PTP4A3: variants seen among roughly 807,000 people sequenced by gnomAD.
The protein encoded by PTP4A3 is protein tyrosine phosphatase type IVA 3.
Under a neutral mutation model 15.2 loss-of-function variants are expected in PTP4A3, and 9 were observed. That is an observed-to-expected ratio of 0.59 (90% CI 0.36 to 1.03). The LOEUF is 1.03. Ranked by LOEUF, PTP4A3 falls within the 50% of genes least tolerant of loss-of-function variation. The pLI is 0.02. For missense variants in PTP4A3, 234 were observed against 252.1 expected (o/e 0.93, Z 0.49); for synonymous variants, 95 against 102.0 (o/e 0.93, Z 0.41).
chr8:141,401,965 G>T (rs3935961), intron 1 of PTP4A3, among the ~76,000 whole-genome samples: 16,261 of 152,166 alleles, frequency 0.11, 2,927 homozygotes, highest in African/African-American at 0.37. Context: ...GCCCAGGGGG[G>T]CCCCGTGATG....
intron 5 of PTP4A3, among the ~76,000 whole-genome samples, chr8:141,429,404 G>A (rs1285465535): frequency 6.6e-6 from 1 of 152,276 alleles, no homozygotes; most frequent in Non-Finnish European, 1.5e-5. Flanking sequence ...GTCACCTCAG[G>A]GCCTCTCAGG....
At chr8:141,417,248 T>C (rs1447114710) in intron 1 of PTP4A3, among the ~76,000 whole-genome samples, 1 of 152,110 alleles carries the variant, frequency 6.6e-6, no homozygotes, top group Non-Finnish European at 1.5e-5. Flanking sequence ...CCTCAGGGTG[T>C]TCCTCGTTGC....
At chr8:141,427,729 C>T (rs747278227) in intron 4 of PTP4A3, 21 bp from the exon 5 acceptor site, 18 of 1,546,658 alleles carry the variant, frequency 1.2e-5, no homozygotes, top group Middle Eastern at 1.7e-4. Context: ...CGATGACCCC[C>T]GCCCTGCTGT....
Position 141,425,005 on chromosome 8 carries a change from C to T in PTP4A3, c.106-43C>T, listed in dbSNP as rs757077287. Reference sequence around the variant, plus strand: ...AGTGGGTCCTGCCCCCTGAGCCCTGCAGCCCCAGCCCAGCCCTGCCTCCTC... The same window carrying T: ...AGTGGGTCCTGCCCCCTGAGCCCTGTAGCCCCAGCCCAGCCCTGCCTCCTC... On this transcript the variant is annotated intron_variant, in intron 2 of 5. Coordinates refer to ENST00000521578, the MANE Select transcript of PTP4A3 (RefSeq NM_032611.3). This position sits in a 1 kb window ranked among gnomAD's most constrained non-coding sequence, Gnocchi z 4.2. 2.0e-6 allele frequency: 3 copies of T among 1,538,300 alleles called. No homozygotes were observed. Among genetic ancestry groups the T allele is most frequent in the Non-Finnish European group, 2.7e-6 (3 of 1,116,938 alleles).
chr8:141,415,613 T>A (rs1256408249), intron 1 of PTP4A3, among the ~76,000 whole-genome samples: 3 of 47,490 alleles, frequency 6.3e-5, no homozygotes, highest in African/African-American at 1.5e-4. Flanking sequence ...CCTTTTGACG[T>A]GCGCGGAGGG....
At position 141,426,914 on chromosome 8, in the gene PTP4A3, T is replaced by C. The variant is rs746430625; in HGVS notation, c.199-25T>C. The C allele has an allele frequency of 1.9e-6, 3 of 1,606,790 alleles. No individual in the cohort carries two copies. In the South Asian group the frequency reaches 3.3e-5, roughly 18 times the overall value. The stretch of plus-strand genomic sequence containing the variant: ...CTCTCTACCCTCCCTCAGCCGGGGG[T>C]CCTCATGTCTGCTTCCCTCCGTAGG... On this transcript the variant is annotated intron_variant, in intron 3 of 5. Coordinates refer to ENST00000521578, the MANE Select transcript of PTP4A3 (RefSeq NM_032611.3).
At chr8:141,410,311 A>G (rs919694768) in intron 1 of PTP4A3, among the ~76,000 whole-genome samples, 4 of 152,208 alleles carry the variant, frequency 2.6e-5, no homozygotes, top group African/African-American at 4.8e-5. Flanking sequence ...GTGAGGCACC[A>G]TTGTTGCTAG....
chr8:141,405,442 C>T (rs548999305), intron 1 of PTP4A3, among the ~76,000 whole-genome samples: 2 of 152,358 alleles, frequency 1.3e-5, no homozygotes, highest in South Asian at 4.1e-4. Context: ...GACTTTGGGT[C>T]CACCCACAGA....
At position 141,421,465 on chromosome 8, in the gene PTP4A3, G is replaced by T. The variant is rs1014946605; in HGVS notation, c.-776G>T. 1 of 152,366 alleles carries T rather than the reference G, an allele frequency of 6.6e-6. No individual in the cohort carries two copies. Among genetic ancestry groups the T allele is most frequent in the Admixed American group, 6.5e-5 (1 of 15,294 alleles). 9.4% of individuals were successfully genotyped at this position (152,366 alleles called of 1,614,324 possible). ...AGCCCTAAGCACTGCTGCGCCCAGG[G>T]TCGCCGCGCCTCCTGCTGAGGGGTC... On this transcript the variant is annotated 5_prime_UTR_variant, in exon 2 of 6. Transcript: ENST00000521578.
chr8:141,423,626 G>A (rs1319184050), intron 2 of PTP4A3, among the ~76,000 whole-genome samples: 5 of 151,604 alleles, frequency 3.3e-5, no homozygotes, highest in Non-Finnish European at 7.4e-5. Flanking sequence ...GACCAAGGTT[G>A]GGGCTCAGTG....
intron 1 of PTP4A3, among the ~76,000 whole-genome samples, chr8:141,408,137 C>T (rs1832777070): frequency 2.0e-5 from 3 of 151,970 alleles, no homozygotes; most frequent in Admixed American, 2.0e-4. Flanking sequence ...TGTGTGAGGC[C>T]ATTCACAGCA....
In PTP4A3 at chr8:141,426,876, GC is replaced by G. The variant is rs2130293813; in HGVS notation, c.199-59del. On this transcript the variant is annotated intron_variant, in intron 3 of 5. Coordinates refer to ENST00000521578, the MANE Select transcript of PTP4A3 (RefSeq NM_032611.3). The stretch of plus-strand genomic sequence containing the variant: ...CTCAGAGCTCCCTTTCCTCGCCTGA[GC>G]CCCAGAGCCGCCTCTCTACCCTCCC... 3.8e-6 allele frequency: 6 copies of G among 1,566,258 alleles called. No homozygotes were observed. In the East Asian group the frequency reaches 9.1e-5, roughly 24 times the overall value.
At chr8:141,426,259 C>T (rs1833572354) in intron 3 of PTP4A3, among the ~76,000 whole-genome samples, 1 of 152,224 alleles carries the variant, frequency 6.6e-6, no homozygotes, top group Admixed American at 6.5e-5. Context: ...ACTCCTACTG[C>T]AGCGCCCTGG....
chr8:141,425,183 G>T lies in PTP4A3; in HGVS notation c.198+43G>T, dbSNP rs753834026. The T allele has an allele frequency of 1.4e-6, 2 of 1,461,440 alleles. No homozygotes were observed. Among genetic ancestry groups the T allele is most frequent in the Non-Finnish European group, 9.5e-7 (1 of 1,049,064 alleles). 90.5% of individuals were successfully genotyped at this position (1,461,440 alleles called of 1,614,324 possible). A position where few individuals can be genotyped will look rare whatever the true frequency, so the allele number is the denominator to read the frequency against. ...GGGACCCTAGTCACTGCTGCCACCG[G>T]GGGAGGGTGGGGCGGGGGGCTCCGG... On this transcript the variant is annotated intron_variant, in intron 3 of 5. Transcript: ENST00000521578. The surrounding 1 kb of genome is among the most constrained non-coding windows in gnomAD (Gnocchi z 4.2).
intron 2 of PTP4A3, among the ~76,000 whole-genome samples, chr8:141,422,764 C>G (rs140188511): frequency 1.1e-4 from 17 of 152,266 alleles, no homozygotes; most frequent in African/African-American, 4.1e-4. Flanking sequence ...CCAGGCTGGA[C>G]TAGGGGCTTC....
Position 141,406,442 on chromosome 8 carries a change from G to T in PTP4A3, c.-854+14358G>T, listed in dbSNP as rs144412085. ...CTCTTTCTGCTGCCACCCAGAGCCC[G>T]CCCTTTCCGGAGAGCAGTTCCCTGG... is the stretch of plus-strand genomic sequence containing the variant. On this transcript the variant is annotated intron_variant, in intron 1 of 5. Transcript: ENST00000521578. This position sits in a 1 kb window ranked among gnomAD's most constrained non-coding sequence, Gnocchi z 4.5. Among the ~76,000 whole-genome samples, 2 of 151,822 alleles carry T rather than the reference G, an allele frequency of 1.3e-5. No individual in the cohort carries two copies. Among genetic ancestry groups the T allele is most frequent in the East Asian group, 1.9e-4 (1 of 5,148 alleles).
chr8:141,431,132 C>T lies in PTP4A3; in HGVS notation c.*88C>T, dbSNP rs1186036521. The T allele has an allele frequency of 1.0e-5, 13 of 1,286,920 alleles. No homozygotes were observed. The highest frequency in any genetic ancestry group is 1.3e-5 in the Non-Finnish European group (12 of 897,788). The allele number at this position is 1,286,920 out of a possible 1,614,324, so 79.7% of individuals were successfully genotyped here. On this transcript the variant is annotated 3_prime_UTR_variant, in exon 6 of 6. Transcript: ENST00000521578. ...CTGCCCAGCCCTGCTCTGCCCAGCC[C>T]AGCAGGGGCTCCAGGCCTTGGCTGG...
At chr8:141,394,125 A>G (rs1832376248) in intron 1 of PTP4A3, among the ~76,000 whole-genome samples, 1 of 152,020 alleles carries the variant, frequency 6.6e-6, no homozygotes, top group African/African-American at 2.4e-5. Flanking sequence ...TATGCACGTG[A>G]CCTCCTTAGG....
chr8:141,431,420 T>G lies in PTP4A3; in HGVS notation c.*376T>G. ...AACCACTGGGCCCCCAGCCCCTCTTTTGCGACCCCTTGTCCTGACCTGTTC... is the reference window on the plus strand; with the variant it reads ...AACCACTGGGCCCCCAGCCCCTCTTGTGCGACCCCTTGTCCTGACCTGTTC... On this transcript the variant is annotated 3_prime_UTR_variant, in exon 6 of 6. Coordinates refer to ENST00000521578, the MANE Select transcript of PTP4A3 (RefSeq NM_032611.3). The G allele has an allele frequency of 3.9e-6, 1 of 258,972 alleles. No individual in the cohort carries two copies. Among genetic ancestry groups the G allele is most frequent in the Non-Finnish European group, 7.4e-6 (1 of 135,756 alleles). 16.0% of individuals were successfully genotyped at this position (258,972 alleles called of 1,614,324 possible). A position where few individuals can be genotyped will look rare whatever the true frequency, so the allele number is the denominator to read the frequency against.
Sources: gnomAD v4.1 joint callset for allele counts (sites outside exome capture counted in the v4.1 genomes callset) on GRCh38, gnomAD v4.1.1 for gene constraint, Gnocchi (gnomAD v3.1) non-coding constraint, MANE v1.5 for transcripts, NCBI Gene and HGNC (gene_info 2026-07-23, HGNC 2026-07-21) for gene names.